The following ENG variants were observed in gnomAD, a reference collection of about 807,000 sequenced individuals.
ENG encodes the protein endoglin, also known as CD105 antigen.
ENG carries 17 observed loss-of-function variants against 71.0 expected under a neutral mutation model. The ratio of observed to expected loss-of-function variants is 0.24; its 90% CI spans 0.16 to 0.36. The LOEUF (loss-of-function observed/expected upper bound fraction) is 0.36. ENG is among the 10% of genes least tolerant of loss of function. The pLI is 1.00. For missense variants in ENG, 749 were observed against 868.3 expected, an observed-to-expected ratio of 0.86 and a Z score of 1.73; for synonymous variants, 360 against 366.9, an observed-to-expected ratio of 0.98 and a Z score of 0.21.
In ENG at chr9:127,846,807, G is replaced by C. The variant is rs1223068548; in HGVS notation, c.68-3562C>G. The C allele has an allele frequency of 2.1e-6, 2 of 943,404 alleles. No individual in the cohort carries two copies. The highest frequency in any genetic ancestry group is 3.6e-5 in the African/African-American group (2 of 56,328). 58.4% of individuals were successfully genotyped at this position (943,404 alleles called of 1,614,324 possible). A position where few individuals can be genotyped will look rare whatever the true frequency, so the allele number is the denominator to read the frequency against. ...GCCTCCCGGGACTGGGTCAGAGGAGGAGCCGCTGGGGGCCTGGGTGACTGG... is the reference window on the plus strand; with the variant it reads ...GCCTCCCGGGACTGGGTCAGAGGAGCAGCCGCTGGGGGCCTGGGTGACTGG... On this transcript the variant is annotated intron_variant, in intron 1 of 14. Coordinates refer to ENST00000373203, the MANE Select transcript of ENG (RefSeq NM_001114753.3). This position sits in a 1 kb window ranked among gnomAD's most constrained non-coding sequence, Gnocchi z 5.5.
chr9:127,843,115 G>C lies in ENG; in HGVS notation c.198C>G (p.Val66=). 1 of 1,614,140 alleles carries C rather than the reference G, an allele frequency of 6.2e-7. No individual in the cohort carries two copies. The highest frequency in any genetic ancestry group is 8.5e-7 in the Non-Finnish European group (1 of 1,180,002). Residue 66 remains valine (V), a synonymous_variant, in exon 2 of 15, where the codon GTC becomes GTG. Coordinates refer to ENST00000373203, the MANE Select transcript of ENG (RefSeq NM_001114753.3). ...QAPNAILEVH[V]LFLEFPTGPS... is the part of the protein sequence containing the mutation. The stretch of plus-strand genomic sequence containing the variant: ...TCACCGTTGGGAACTCCAGGAAGAG[G>C]ACATGGACTTCAAGGATGGCATTGG...
chr9:127,843,730 CACAT>C (rs144213128), intron 1 of ENG, among the ~76,000 whole-genome samples: 73 of 6,858 alleles, frequency 0.011, no homozygotes, highest in African/African-American at 0.024. Context: ...CCCACACATC[CACAT>C]ACATATATAT....
At position 127,838,921 on chromosome 9, in the gene ENG, G is replaced by A. The variant is rs1385244792; in HGVS notation, c.219+4173C>T. On this transcript the variant is annotated intron_variant, in intron 2 of 14. Coordinates refer to ENST00000373203, the MANE Select transcript of ENG (RefSeq NM_001114753.3). This position sits in a 1 kb window ranked among gnomAD's most constrained non-coding sequence, Gnocchi z 4.3. ...TACCACCCACCCACAGGAAATCTGA[G>A]GATTCTGAGGGATGGACGGGAAAGC... 1.3e-5 allele frequency among the ~76,000 whole-genome samples: 2 copies of A among 152,144 alleles called. No individual in the cohort carries two copies. The highest frequency in any genetic ancestry group is 2.9e-5 in the Non-Finnish European group (2 of 68,010).
chr9:127,815,615 T>C lies in ENG; in HGVS notation c.*67A>G. On this transcript the variant is annotated 3_prime_UTR_variant, in exon 15 of 15. Transcript: ENST00000373203. ...GTGGAGGACTGGCTCCCAGGGTGAG[T>C]TCACACCAGTGCTCCCAGCTGGCGG... 2.6e-6 allele frequency: 4 copies of C among 1,528,296 alleles called. No individual in the cohort carries two copies. Among genetic ancestry groups the C allele is most frequent in the Middle Eastern group, 2.3e-4 (1 of 4,342 alleles). The allele number at this position is 1,528,296 out of a possible 1,614,324, so 94.7% of individuals were successfully genotyped here. A position where few individuals can be genotyped will look rare whatever the true frequency, so the allele number is the denominator to read the frequency against.
chr9:127,848,403 C>T (rs922948070), intron 1 of ENG, among the ~76,000 whole-genome samples: 2 of 152,128 alleles, frequency 1.3e-5, no homozygotes, highest in African/African-American at 2.4e-5. Flanking sequence ...AATCCTCTGC[C>T]TCAGCCTCCC....
intron 8 of ENG, among the ~76,000 whole-genome samples, chr9:127,820,574 A>G (rs1249260586): frequency 6.6e-6 from 1 of 150,378 alleles, no homozygotes; most frequent in Non-Finnish European, 1.5e-5. Flanking sequence ...CACGCCTGTA[A>G]TCCCAGCACT....
intron 2 of ENG, among the ~76,000 whole-genome samples, chr9:127,839,266 GCAT>G (rs1830973072): frequency 6.6e-6 from 1 of 152,180 alleles, no homozygotes; most frequent in African/African-American, 2.4e-5. Context: ...CCTTCTGTCT[GCAT>G]CATCAACACA....
chr9:127,818,027 C>T, intron 12 of ENG, 93 bp downstream of exon 12: 1 of 1,593,908 alleles, frequency 6.3e-7, no homozygotes. Flanking sequence ...CACCAGCTGG[C>T]CCCACATCCC....
chr9:127,836,407 G>A lies in ENG; in HGVS notation c.220-6580C>T, dbSNP rs970409964. ...CAGGAAGGGGGGATTTCGGTGAGGA[G>A]GCCCTGAGTGCTAGTAGCCACTTAT... is the stretch of plus-strand genomic sequence containing the variant. On this transcript the variant is annotated intron_variant, in intron 2 of 14. Transcript: ENST00000373203. This position sits in a 1 kb window ranked among gnomAD's most constrained non-coding sequence, Gnocchi z 4.0. Among the ~76,000 whole-genome samples the A allele has an allele frequency of 9.2e-5, 14 of 152,244 alleles. No homozygotes were observed. Among genetic ancestry groups the A allele is most frequent in the African/African-American group, 3.1e-4 (13 of 41,472 alleles).
Position 127,825,740 on chromosome 9 carries a change from T to G in ENG, c.644A>C (p.His215Pro). The G allele has an allele frequency of 6.2e-7, 1 of 1,600,038 alleles. No individual in the cohort carries two copies. Among genetic ancestry groups the G allele is most frequent in the Non-Finnish European group, 8.5e-7 (1 of 1,175,526 alleles). ...RGCHLEGVAG[H>P]KEAHILRVLP... ...GACCCTCAGGATGTGCGCCTCCTTGTGGCCGGCCACGCCTTCCAAGTGGCA... is the reference window on the plus strand; with the variant it reads ...GACCCTCAGGATGTGCGCCTCCTTGGGGCCGGCCACGCCTTCCAAGTGGCA... Residue 215 changes from histidine (H) to proline (P), a missense_variant, in exon 5 of 15, where the codon CAC becomes CCC. His to Pro is a moderately conservative substitution (Grantham distance 77). Transcript: ENST00000373203.
intron 2 of ENG, among the ~76,000 whole-genome samples, chr9:127,831,947 CT>C (rs1284962463): frequency 1.3e-5 from 2 of 151,700 alleles, no homozygotes; most frequent in Non-Finnish European, 1.5e-5. Flanking sequence ...GTCTTACTCT[CT>C]TTTCCAGGCT....
rs764536505 is a variant in ENG at position 127,818,343 on chromosome 9, A to C, written c.1463T>G (p.Leu488Arg). ...RVSPSVSEFL[L>R]QLDSCHLDLG... ...GTCCAGGTGGCAGCTGTCTAACTGG[A>C]GCAGGAACTCGGAGACGGATGGGGA... Residue 488 changes from leucine to arginine, a missense_variant, in exon 12 of 15, where the codon CTC becomes CGC. Leu to Arg is a moderately radical substitution (Grantham distance 102, BLOSUM62 -2). Coordinates refer to ENST00000373203, the MANE Select transcript of ENG (RefSeq NM_001114753.3). 1 of 1,613,840 alleles carries C rather than the reference A, an allele frequency of 6.2e-7. No individual in the cohort carries two copies. The highest frequency in any genetic ancestry group is 1.3e-5 in the African/African-American group (1 of 74,920).
intron 13 of ENG, chr9:127,816,895 G>C (rs749080615): frequency 5.2e-6 from 3 of 574,996 alleles, no homozygotes; most frequent in Admixed American, 3.0e-5. Context: ...AGCCGTGAGT[G>C]GGGGCAGAGG....
chr9:127,828,553 G>A (rs12553394), intron 3 of ENG, among the ~76,000 whole-genome samples: 4,060 of 152,268 alleles, frequency 0.027, 77 homozygotes, highest in Middle Eastern at 0.082. Flanking sequence ...CCTCACCCTG[G>A]GCTGCACGGA....
At chr9:127,816,881 G>A in intron 13 of ENG, 1 of 559,042 alleles carries the variant, frequency 1.8e-6, no homozygotes, top group South Asian at 2.0e-5. Context: ...TGGGGATGGA[G>A]TGGAGCCGTG....
intron 2 of ENG, among the ~76,000 whole-genome samples, chr9:127,842,422 T>A (rs1280733001): frequency 6.6e-6 from 1 of 151,350 alleles, no homozygotes; most frequent in African/African-American, 2.4e-5. Context: ...TTATTTTTAT[T>A]TTTTTATTTT....
At position 127,842,232 on chromosome 9, in the gene ENG, T is replaced by C. The variant is rs868048777; in HGVS notation, c.219+862A>G. 6.8e-3 allele frequency among the ~76,000 whole-genome samples: 992 copies of C among 146,214 alleles called. 12 individuals carry two copies. The highest frequency in any genetic ancestry group is 0.021 in the African/African-American group (850 of 39,964). ...CACTTCTCTTTTTCTTTTCTTTTTTTTTTTTTTTTTTTGAGACAGGGTCTC... is the reference window on the plus strand; with the variant it reads ...CACTTCTCTTTTTCTTTTCTTTTTTCTTTTTTTTTTTTGAGACAGGGTCTC... On this transcript the variant is annotated intron_variant, in intron 2 of 14. Transcript: ENST00000373203.
Position 127,818,660 on chromosome 9 carries a change from C to T in ENG, c.1428+56G>A, listed in dbSNP as rs541603726. 1,886 of 1,569,234 alleles carry T rather than the reference C, an allele frequency of 1.2e-3. 25 individuals carry two copies. In the South Asian group the frequency reaches 0.017, roughly 14 times the overall value. ...TCTGGAGTCATGGTGGGAAGAAAGG[C>T]GGAGAGGAAGTTCCAGGAGCTGGGA... On this transcript the variant is annotated intron_variant, in intron 11 of 14. Coordinates refer to ENST00000373203, the MANE Select transcript of ENG (RefSeq NM_001114753.3).
Position 127,825,362 on chromosome 9 carries a change from G to T in ENG, c.690-5C>A, listed in dbSNP as rs374628465. The T allele has an allele frequency of 5.6e-6, 9 of 1,609,634 alleles. No individual in the cohort carries two copies. Among genetic ancestry groups the T allele is most frequent in the Non-Finnish European group, 6.8e-6 (8 of 1,179,612 alleles). ...TTCACCGTCACCGTCCGGGGCCTGC[G>T]GGGAGACAGACGCGGATGGAACACT... is the stretch of plus-strand genomic sequence containing the variant. On this transcript the variant is annotated splice_polypyrimidine_tract_variant and splice_region_variant and intron_variant, in intron 5 of 14. Transcript: ENST00000373203.
Sources: allele counts gnomAD v4.1 joint callset (sites outside exome capture counted in the v4.1 genomes callset), GRCh38; gene constraint gnomAD v4.1.1; non-coding constraint Gnocchi (gnomAD v3.1); transcripts MANE v1.5; gene names NCBI Gene and HGNC (gene_info 2026-07-23, HGNC 2026-07-21).